The following GALNTL6 variants were observed in gnomAD, a reference collection of about 807,000 sequenced individuals.
GALNTL6 encodes the protein polypeptide N-acetylgalactosaminyltransferase like 6.
Under a neutral mutation model 73.7 loss-of-function variants are expected in GALNTL6, and 46 were observed. The ratio of observed to expected loss-of-function variants is 0.62; its 90% CI spans 0.49 to 0.80. The LOEUF (loss-of-function observed/expected upper bound fraction) is 0.80. Ranked by LOEUF, GALNTL6 falls within the 30% of genes least tolerant of loss-of-function variation. The pLI is 0.00. For missense variants in GALNTL6, 604 were observed against 755.0 expected, an observed-to-expected ratio of 0.80 and a Z score of 2.34; for synonymous variants, 259 against 263.7, an observed-to-expected ratio of 0.98 and a Z score of 0.17.
intron 5 of GALNTL6, among the ~76,000 whole-genome samples, chr4:172,496,805 C>G (rs1476395243): frequency 6.6e-6 from 1 of 152,202 alleles, no homozygotes; most frequent in Non-Finnish European, 1.5e-5. Context: ...TAAATTCTAT[C>G]TCAGCCACTG....
rs191833473 is a variant in GALNTL6, at chr4:172,363,066, G to A, written c.553+14377G>A. On this transcript the variant is annotated intron_variant, in intron 5 of 12. Transcript: ENST00000506823. Reference sequence around the variant, plus strand: ...TATAACTTTTTCTTATGCACAACATGTCAAAGTCCACCCTCCCTGAAGAGG... The same window carrying A: ...TATAACTTTTTCTTATGCACAACATATCAAAGTCCACCCTCCCTGAAGAGG... Among the ~76,000 whole-genome samples, 30 of 152,168 alleles carry A rather than the reference G, an allele frequency of 2.0e-4. 1 individual carries two copies. The highest frequency in any genetic ancestry group is 3.2e-4 in the Non-Finnish European group (22 of 67,994).
intron 2 of GALNTL6, among the ~76,000 whole-genome samples, chr4:172,008,129 C>G (rs1427519719): frequency 3.3e-5 from 5 of 152,122 alleles, no homozygotes; most frequent in African/African-American, 9.7e-5. Context: ...TTGCATTATA[C>G]TCTAGATAAG....
intron 5 of GALNTL6, among the ~76,000 whole-genome samples, chr4:172,805,775 C>T (rs1182350813): frequency 6.6e-6 from 1 of 152,132 alleles, no homozygotes. Context: ...TCTAAACCCT[C>T]TCCAGAGAAC....
chr4:171,915,974 T>C (rs1737612819), intron 2 of GALNTL6, among the ~76,000 whole-genome samples: 3 of 152,108 alleles, frequency 2.0e-5, no homozygotes, highest in South Asian at 4.1e-4. Flanking sequence ...GCAAAGGAAA[T>C]GAAGATTTTC....
At chr4:172,608,722 C>T (rs541986732) in intron 5 of GALNTL6, among the ~76,000 whole-genome samples, 1 of 152,166 alleles carries the variant, frequency 6.6e-6, no homozygotes, top group African/African-American at 2.4e-5. Flanking sequence ...TGGTAGATTG[C>T]TTTGGGCCTT....
chr4:171,956,135 G>T (rs538428045), intron 2 of GALNTL6, among the ~76,000 whole-genome samples: 3 of 143,510 alleles, frequency 2.1e-5, no homozygotes, highest in Non-Finnish European at 3.1e-5. Context: ...CCAGAGTAGC[G>T]GGACTACAGG....
chr4:172,485,863 G>A (rs1251706725), intron 5 of GALNTL6, among the ~76,000 whole-genome samples: 1 of 152,106 alleles, frequency 6.6e-6, no homozygotes, highest in African/African-American at 2.4e-5. Flanking sequence ...AGTAAGGTTT[G>A]TAAACAGTAA....
rs900659227 is a variant in GALNTL6, at chr4:172,809,459, C to G, written c.652C>G (p.Leu218Val). ...AGAAGGACTCATCCGGACCCGTCTCCTGGGGGCATCTATGGCCAGAGGAGA... is the reference window on the plus strand; with the variant it reads ...AGAAGGACTCATCCGGACCCGTCTCGTGGGGGCATCTATGGCCAGAGGAGA... ...KREGLIRTRL[L>V]GASMARGEVL... The change falls in exon 6 of 13, where the codon CTG (leucine) becomes GTG (valine). Residue 218 changes from leucine (L) to valine (V), a missense_variant. Leu to Val is a conservative substitution (Grantham distance 32). Around this residue, in one of 5 missense-constraint regions of GALNTL6, gnomAD observed 179 missense variants for 230.8 expected, o/e 0.78. Coordinates refer to ENST00000506823, the MANE Select transcript of GALNTL6 (RefSeq NM_001034845.3). The surrounding 1 kb of genome is among the most constrained non-coding windows in gnomAD (Gnocchi z 4.4). 8 of 1,613,936 alleles carry G rather than the reference C, an allele frequency of 5.0e-6. No individual in the cohort carries two copies. The highest frequency in any genetic ancestry group is 6.8e-6 in the Non-Finnish European group (8 of 1,179,888).
At chr4:172,656,098 C>T (rs1243675777) in intron 5 of GALNTL6, among the ~76,000 whole-genome samples, 1 of 152,192 alleles carries the variant, frequency 6.6e-6, no homozygotes, top group Admixed American at 6.5e-5. Context: ...AATACCATGG[C>T]ACCAGCTTTC....
At chr4:172,904,274 C>T (rs1441650517) in intron 8 of GALNTL6, among the ~76,000 whole-genome samples, 2 of 152,148 alleles carry the variant, frequency 1.3e-5, no homozygotes, top group Non-Finnish European at 2.9e-5. Context: ...ACATGGACAT[C>T]ATTCAATGTG....
At position 172,252,734 on chromosome 4, in the gene GALNTL6, G is replaced by A. The variant is rs531759916; in HGVS notation, c.247+22970G>A. On this transcript the variant is annotated intron_variant, in intron 3 of 12. Coordinates refer to ENST00000506823, the MANE Select transcript of GALNTL6 (RefSeq NM_001034845.3). ...TTTTGTGAAACAAGGCTGAAGTATGGGAAAGAGGAAGATTTCTCAATGTAA... is the reference window on the plus strand; with the variant it reads ...TTTTGTGAAACAAGGCTGAAGTATGAGAAAGAGGAAGATTTCTCAATGTAA... 2.0e-5 allele frequency among the ~76,000 whole-genome samples: 3 copies of A among 152,122 alleles called. No individual in the cohort carries two copies. The East Asian group carries it at 5.8e-4, about 29-fold the overall frequency.
intron 2 of GALNTL6, among the ~76,000 whole-genome samples, chr4:172,110,881 C>G (rs1195250189): frequency 1.3e-5 from 2 of 152,018 alleles, no homozygotes; most frequent in Admixed American, 1.3e-4. Context: ...ATGTTCTGGG[C>G]AGAACCCACG....
chr4:172,653,751 T>C (rs1461427042), intron 5 of GALNTL6, among the ~76,000 whole-genome samples: 1 of 152,250 alleles, frequency 6.6e-6, no homozygotes, highest in African/African-American at 2.4e-5. Context: ...TGATCTGGAA[T>C]AGAATCTGCA....
intron 5 of GALNTL6, among the ~76,000 whole-genome samples, chr4:172,388,923 GCTATATCTATATCTATAT>G (rs200367901): frequency 6.6e-6 from 1 of 151,882 alleles, no homozygotes; most frequent in Non-Finnish European, 1.5e-5. Context: ...GAAAAGCTGT[GCTATATCTATATCTATAT>G]CTATATTTTT....
intron 2 of GALNTL6, among the ~76,000 whole-genome samples, chr4:171,866,086 T>C (rs115040124): frequency 0.012 from 1,817 of 152,232 alleles, 40 homozygotes; most frequent in African/African-American, 0.041. Flanking sequence ...AATAATGGAA[T>C]TGTTATCAAT....
intron 2 of GALNTL6, among the ~76,000 whole-genome samples, chr4:172,192,440 G>A (rs973359208): frequency 1.7e-4 from 26 of 152,008 alleles, no homozygotes; most frequent in Admixed American, 9.2e-4. Flanking sequence ...TGAGAAGAAC[G>A]AAAACGGCAA....
intron 5 of GALNTL6, among the ~76,000 whole-genome samples, chr4:172,642,136 A>G (rs913404672): frequency 6.6e-6 from 1 of 152,086 alleles, no homozygotes; most frequent in Non-Finnish European, 1.5e-5. Flanking sequence ...GGGAATGTAA[A>G]TTAGTACAAC....
intron 7 of GALNTL6, among the ~76,000 whole-genome samples, chr4:172,862,141 G>T (rs757702192): frequency 1.3e-5 from 2 of 152,196 alleles, no homozygotes; most frequent in Non-Finnish European, 2.9e-5. Flanking sequence ...GGAAAGATTA[G>T]AACTTCCTAG....
chr4:172,479,191 G>C (rs1485212137), intron 5 of GALNTL6, among the ~76,000 whole-genome samples: 2 of 152,034 alleles, frequency 1.3e-5, no homozygotes, highest in Non-Finnish European at 2.9e-5. Context: ...GTAATTCACT[G>C]TATTAAAAAA....
Sources: gnomAD v4.1 joint callset for allele counts (sites outside exome capture counted in the v4.1 genomes callset) on GRCh38, gnomAD v4.1.1 for gene constraint, gnomAD v4.1.1 regional missense constraint, Gnocchi (gnomAD v3.1) non-coding constraint, MANE v1.5 for transcripts, NCBI Gene and HGNC (gene_info 2026-07-23, HGNC 2026-07-21) for gene names.